Variants in ADAMTS12 observed in about 807,000 individuals in gnomAD.
The protein encoded by ADAMTS12 is ADAM metallopeptidase with thrombospondin type 1 motif 12, also known as A disintegrin and metalloproteinase with thrombospondin motifs 12.
In ADAMTS12, 118 loss-of-function variants were observed where a neutral mutation model predicts 167.8. The observed-to-expected ratio is 0.70, with a 90% CI of 0.61 to 0.82. The LOEUF (loss-of-function observed/expected upper bound fraction) is 0.82, where lower values mean the gene tolerates loss of function less well. Among genes scored for constraint, ADAMTS12 ranks in the 40% least tolerant of loss-of-function variants. The pLI, the probability that ADAMTS12 is intolerant of heterozygous loss-of-function variation, is 0.00. For missense variants in ADAMTS12, 1,916 were observed against 1,998.8 expected (o/e 0.96, Z 0.79); for synonymous variants, 704 against 716.9 (o/e 0.98, Z 0.29).
chr5:33,848,906 C>T (rs957747064), intron 2 of ADAMTS12, among the ~76,000 whole-genome samples: 22 of 151,878 alleles, frequency 1.4e-4, no homozygotes, highest in African/African-American at 5.1e-4. Flanking sequence ...TATACACACA[C>T]ATGATATATA....
intron 2 of ADAMTS12, among the ~76,000 whole-genome samples, chr5:33,864,473 C>T (rs1187826491): frequency 6.6e-6 from 1 of 152,202 alleles, no homozygotes; most frequent in East Asian, 1.9e-4. Flanking sequence ...TTTGACCCAA[C>T]AATCTGATTA....
At position 33,534,932 on chromosome 5, in the gene ADAMTS12, C is replaced by T; in HGVS notation, c.4507G>A (p.Gly1503Ser). 3 of 1,613,886 alleles carry T rather than the reference C, an allele frequency of 1.9e-6. No homozygotes were observed. Among genetic ancestry groups the T allele is most frequent in the East Asian group, 2.2e-5 (1 of 44,848 alleles). The change falls in exon 23 of 24, where the codon GGC (glycine) becomes AGC (serine). Residue 1503 changes from glycine (G) to serine (S), a missense_variant. Coordinates refer to ENST00000504830, the MANE Select transcript of ADAMTS12 (RefSeq NM_030955.4). ...TGGTCTTGGTCTTCAGTTTTATTGCCCTCTGAGGGCACACATTGGACAGTC... is the reference window on the plus strand; with the variant it reads ...TGGTCTTGGTCTTCAGTTTTATTGCTCTCTGAGGGCACACATTGGACAGTC... The part of the protein sequence containing the change: ...KRTVQCVPSE[G>S]NKTEDQDQCL...
rs192450193 is a variant in ADAMTS12, at chr5:33,647,774, G to A, written c.1479+1048C>T. Among the ~76,000 whole-genome samples, 94 of 152,146 alleles carry A rather than the reference G, an allele frequency of 6.2e-4. 1 individual carries two copies. The highest frequency in any genetic ancestry group is 2.2e-3 in the African/African-American group (91 of 41,492). On this transcript the variant is annotated intron_variant, in intron 9 of 23. Coordinates refer to ENST00000504830, the MANE Select transcript of ADAMTS12 (RefSeq NM_030955.4). ...AAACAAAAATTTAGGAGGCAGAATT[G>A]GCATAACTTGGTAGCCAGTTAGAAA... is the stretch of plus-strand genomic sequence containing the variant.
intron 5 of ADAMTS12, among the ~76,000 whole-genome samples, chr5:33,667,849 A>C (rs1027178329): frequency 1.3e-5 from 2 of 152,202 alleles, no homozygotes; most frequent in Non-Finnish European, 2.9e-5. Context: ...ACCAGAGGCA[A>C]GATAGGGAAG....
intron 19 of ADAMTS12, among the ~76,000 whole-genome samples, chr5:33,567,471 T>A (rs1746070274): frequency 6.6e-6 from 1 of 152,204 alleles, no homozygotes; most frequent in Non-Finnish European, 1.5e-5. Context: ...ATACCATGAT[T>A]TAGGAAGAAA....
chr5:33,583,639 T>A (rs936821546), intron 18 of ADAMTS12, among the ~76,000 whole-genome samples: 1 of 152,322 alleles, frequency 6.6e-6, no homozygotes, highest in African/African-American at 2.4e-5. Flanking sequence ...TTTCTCCACA[T>A]CCTCACCAGC....
chr5:33,866,732 C>T (rs905359706), intron 2 of ADAMTS12, among the ~76,000 whole-genome samples: 1 of 151,650 alleles, frequency 6.6e-6, no homozygotes, highest in Non-Finnish European at 1.5e-5. Context: ...CTACAAGGAA[C>T]TCAAAAAAAT....
chr5:33,646,910 A>G (rs1475339113), intron 9 of ADAMTS12, among the ~76,000 whole-genome samples: 1 of 152,198 alleles, frequency 6.6e-6, no homozygotes, highest in Non-Finnish European at 1.5e-5. Context: ...CAGAAAAATA[A>G]CCAAATAGAC....
At chr5:33,850,734 G>GA (rs1479753486) in intron 2 of ADAMTS12, among the ~76,000 whole-genome samples, 5 of 152,166 alleles carry the variant, frequency 3.3e-5, no homozygotes, top group Non-Finnish European at 7.4e-5. Context: ...AGGTCAAAGA[G>GA]AGAGTTTTTT....
At chr5:33,748,192 C>A (rs1362046859) in intron 3 of ADAMTS12, among the ~76,000 whole-genome samples, 8 of 152,164 alleles carry the variant, frequency 5.3e-5, no homozygotes, top group African/African-American at 1.7e-4. Context: ...AGACTTCCAC[C>A]TAACACCACT....
chr5:33,838,101 C>T (rs1329856431), intron 2 of ADAMTS12, among the ~76,000 whole-genome samples: 1 of 152,082 alleles, frequency 6.6e-6, no homozygotes, highest in East Asian at 1.9e-4. Context: ...AGAGAAGCTC[C>T]CCTGTGCCTC....
intron 16 of ADAMTS12, among the ~76,000 whole-genome samples, chr5:33,596,298 A>T (rs943492485): frequency 1.3e-5 from 2 of 152,192 alleles, no homozygotes; most frequent in Admixed American, 6.5e-5. Context: ...TCATAGAGGT[A>T]GGAGGTAAAG....
intron 2 of ADAMTS12, among the ~76,000 whole-genome samples, chr5:33,805,886 T>C (rs1009428322): frequency 6.8e-6 from 1 of 147,986 alleles, no homozygotes; most frequent in Admixed American, 6.8e-5. Context: ...AGATTTTGTC[T>C]CTGAAAAGAA....
At chr5:33,717,246 C>T (rs1743648649) in intron 3 of ADAMTS12, among the ~76,000 whole-genome samples, 1 of 152,002 alleles carries the variant, frequency 6.6e-6, no homozygotes, top group Non-Finnish European at 1.5e-5. Context: ...CACTGAAAAG[C>T]TCAGTCCTCG....
chr5:33,530,437 G>GC (rs1744042709), intron 23 of ADAMTS12, among the ~76,000 whole-genome samples: 1 of 152,206 alleles, frequency 6.6e-6, no homozygotes, highest in Non-Finnish European at 1.5e-5. Context: ...GCTCTGGGAA[G>GC]CCCCCTGGCA....
Position 33,889,616 on chromosome 5 carries a change from A to T in ADAMTS12, c.127+2114T>A, listed in dbSNP as rs542634887. Among the ~76,000 whole-genome samples the T allele has an allele frequency of 4.6e-5, 7 of 152,276 alleles. No homozygotes were observed. In the South Asian group the frequency reaches 1.5e-3, roughly 32 times the overall value. Reference sequence around the variant, plus strand: ...TGCACCAAATGTGGATTATTTGTAAATCCACTAGGGAATTGATTGTGGTTG... The same window carrying T: ...TGCACCAAATGTGGATTATTTGTAATTCCACTAGGGAATTGATTGTGGTTG... On this transcript the variant is annotated intron_variant, in intron 1 of 23. Coordinates refer to ENST00000504830, the MANE Select transcript of ADAMTS12 (RefSeq NM_030955.4).
chr5:33,693,465 A>G (rs1262959863), intron 3 of ADAMTS12, among the ~76,000 whole-genome samples: 1 of 152,210 alleles, frequency 6.6e-6, no homozygotes, highest in East Asian at 1.9e-4. Flanking sequence ...CTAATTATCT[A>G]ATTTCATAAA....
chr5:33,737,190 G>A (rs1744404145), intron 3 of ADAMTS12, among the ~76,000 whole-genome samples: 1 of 152,184 alleles, frequency 6.6e-6, no homozygotes, highest in Non-Finnish European at 1.5e-5. Context: ...ATCGATGTTG[G>A]GAAGCAGTGT....
chr5:33,529,688 T>C (rs1744002095), intron 23 of ADAMTS12, among the ~76,000 whole-genome samples: 1 of 152,200 alleles, frequency 6.6e-6, no homozygotes, highest in South Asian at 2.1e-4. Context: ...TTCTCTTAAC[T>C]GTGCCTTATT....
Sources: gnomAD v4.1 joint callset for allele counts (sites outside exome capture counted in the v4.1 genomes callset) on GRCh38, gnomAD v4.1.1 for gene constraint, MANE v1.5 for transcripts, NCBI Gene and HGNC (gene_info 2026-07-23, HGNC 2026-07-21) for gene names.